Variants in AKT3 observed in about 807,000 individuals in gnomAD.
The protein encoded by AKT3 is AKT serine/threonine kinase 3, also known as RAC-gamma serine/threonine-protein kinase.
A neutral mutation model predicts 65.3 loss-of-function variants in AKT3; 15 were observed. That is an observed-to-expected ratio of 0.23 (90% confidence interval 0.15 to 0.35). AKT3 has a LOEUF of 0.35. AKT3 is among the 10% of genes least tolerant of loss of function. The pLI, the probability that AKT3 is intolerant of heterozygous loss-of-function variation, is 1.00. For missense variants in AKT3, 243 were observed against 576.5 expected, an observed-to-expected ratio of 0.42 and a Z score of 5.92; for synonymous variants, 206 against 183.8, an observed-to-expected ratio of 1.12 and a Z score of -0.98.
chr1:243,660,476 T>C (rs949884037), intron 4 of AKT3, among the ~76,000 whole-genome samples: 15 of 152,176 alleles, frequency 9.9e-5, no homozygotes, highest in African/African-American at 3.6e-4. Flanking sequence ...ATTATCTCAA[T>C]AGATGCAGAA....
In AKT3 at chr1:243,545,609, G is replaced by C; in HGVS notation, c.1164-12C>G. 2 of 1,578,566 alleles carry C rather than the reference G, an allele frequency of 1.3e-6. No homozygotes were observed. The highest frequency in any genetic ancestry group is 2.7e-5 in the African/African-American group (2 of 74,090). ...GTCCTCCACCAAGGCTATGAGAACAGAAATAAAATTAAGTAAGTATAAAAC... is the reference window on the plus strand; with the variant it reads ...GTCCTCCACCAAGGCTATGAGAACACAAATAAAATTAAGTAAGTATAAAAC... On this transcript the variant is annotated splice_polypyrimidine_tract_variant and intron_variant, in intron 11 of 13. Coordinates refer to ENST00000673466, the MANE Select transcript of AKT3 (RefSeq NM_005465.7).
At chr1:243,582,733 T>C (rs192925936) in intron 8 of AKT3, among the ~76,000 whole-genome samples, 1 of 152,122 alleles carries the variant, frequency 6.6e-6, no homozygotes, top group South Asian at 2.1e-4. Context: ...AATAACTTCA[T>C]GATAGGATCA....
At chr1:243,659,243 C>G (rs537872840) in intron 4 of AKT3, among the ~76,000 whole-genome samples, 1 of 152,040 alleles carries the variant, frequency 6.6e-6, no homozygotes, top group Non-Finnish European at 1.5e-5. Context: ...GAAAGTAGAA[C>G]GGTGGTTTCC....
intron 2 of AKT3, among the ~76,000 whole-genome samples, chr1:243,803,677 CACACACACACACACAT>C (rs1558825952): frequency 2.0e-5 from 3 of 151,014 alleles, no homozygotes; most frequent in African/African-American, 7.4e-5. Flanking sequence ...CACACACACA[CACACACACACACACAT>C]AAGACTGAAA....
At chr1:243,564,476 C>T (rs978738056) in intron 9 of AKT3, among the ~76,000 whole-genome samples, 13 of 152,204 alleles carry the variant, frequency 8.5e-5, no homozygotes, top group African/African-American at 2.9e-4. Flanking sequence ...AAGTTGGACC[C>T]TCTTTGAACC....
At chr1:243,850,910 G>C (rs762561189), upstream of AKT3, 1 of 152,096 alleles carries the variant, frequency 6.6e-6, no homozygotes, top group South Asian at 2.1e-4. Context: ...CCCGGGAGCG[G>C]AGGCTCCTCG....
In AKT3 at chr1:243,575,223, T is replaced by C. The variant is rs573374239; in HGVS notation, c.697-2175A>G. Among the ~76,000 whole-genome samples the C allele has an allele frequency of 2.0e-5, 3 of 152,342 alleles. No homozygotes were observed. In the South Asian group the frequency reaches 6.2e-4, roughly 32 times the overall value. ...GAAACACATTTCTGGGCTTTGGTAA[T>C]ATGACTCTCTCCTGATTTGCCTCCT... On this transcript the variant is annotated intron_variant, in intron 8 of 13. Transcript: ENST00000673466.
intron 3 of AKT3, among the ~76,000 whole-genome samples, chr1:243,665,428 A>G (rs896097668): frequency 2.0e-5 from 3 of 152,196 alleles, no homozygotes; most frequent in East Asian, 1.9e-4. Context: ...TACCTAGATT[A>G]TAAGCTTTTT....
At chr1:243,564,943 C>T (rs950503865) in intron 9 of AKT3, among the ~76,000 whole-genome samples, 1 of 152,150 alleles carries the variant, frequency 6.6e-6, no homozygotes, top group East Asian at 1.9e-4. Context: ...CAGATCTCCA[C>T]TTTAGAACAT....
intron 6 of AKT3, among the ~76,000 whole-genome samples, chr1:243,629,028 G>C (rs938387624): frequency 6.6e-6 from 1 of 152,218 alleles, no homozygotes; most frequent in East Asian, 1.9e-4. Context: ...TGTAATCCCA[G>C]CACTTTGGGA....
At chr1:243,577,463 TA>T (rs1675023914) in intron 8 of AKT3, among the ~76,000 whole-genome samples, 1 of 152,130 alleles carries the variant, frequency 6.6e-6, no homozygotes, top group Non-Finnish European at 1.5e-5. Context: ...CCCTATTTAA[TA>T]AATGGTGTTG....
At chr1:243,691,380 G>A (rs976655196) in intron 3 of AKT3, among the ~76,000 whole-genome samples, 1 of 152,148 alleles carries the variant, frequency 6.6e-6, no homozygotes. Context: ...CCAAGGCAGG[G>A]CTTTCACAGG....
At chr1:243,778,157 C>T (rs967122502) in intron 2 of AKT3, among the ~76,000 whole-genome samples, 7 of 152,122 alleles carry the variant, frequency 4.6e-5, no homozygotes, top group African/African-American at 1.7e-4. Flanking sequence ...CTGTTTGAGG[C>T]AGGGCAACTA....
At chr1:243,554,034 A>C (rs1673250268) in intron 10 of AKT3, among the ~76,000 whole-genome samples, 1 of 152,168 alleles carries the variant, frequency 6.6e-6, no homozygotes, top group Non-Finnish European at 1.5e-5. Context: ...TTGTGTTCCA[A>C]ACTTTCTTGC....
Position 243,841,628 on chromosome 1 carries a change from A to G in AKT3, c.46+1497T>C, listed in dbSNP as rs188100696. Among the ~76,000 whole-genome samples, 131 of 152,292 alleles carry G rather than the reference A, an allele frequency of 8.6e-4. 2 individuals carry two copies. The highest frequency in any genetic ancestry group is 3.8e-4 in the Non-Finnish European group (26 of 68,006). On this transcript the variant is annotated intron_variant, in intron 2 of 13. Transcript: ENST00000673466. ...AGTTTGTTAAACATATACTTCTTATAAAGTTAAACACACACTTACCATATG... is the reference window on the plus strand; with the variant it reads ...AGTTTGTTAAACATATACTTCTTATGAAGTTAAACACACACTTACCATATG...
At chr1:243,579,675 C>T (rs1675193928) in intron 8 of AKT3, among the ~76,000 whole-genome samples, 1 of 151,926 alleles carries the variant, frequency 6.6e-6, no homozygotes, top group Non-Finnish European at 1.5e-5. Context: ...ATAGTGCCTT[C>T]AAGAAAAAGG....
intron 2 of AKT3, among the ~76,000 whole-genome samples, chr1:243,795,682 G>A (rs551473921): frequency 2.0e-5 from 3 of 150,770 alleles, no homozygotes; most frequent in South Asian, 2.1e-4. Context: ...CGTTTTAGCC[G>A]GGATGGTCTC....
At chr1:243,569,116 G>A (rs1163720310) in intron 9 of AKT3, among the ~76,000 whole-genome samples, 1 of 152,146 alleles carries the variant, frequency 6.6e-6, no homozygotes, top group Non-Finnish European at 1.5e-5. Flanking sequence ...TCAGGCCCAA[G>A]AAGGTAGTAA....
At chr1:243,498,759 C>T (rs1390506074), downstream of AKT3, among the ~76,000 whole-genome samples, 1 of 152,226 alleles carries the variant, frequency 6.6e-6, no homozygotes, top group Non-Finnish European at 1.5e-5. Context: ...TGATAGAGTC[C>T]TCCCTTGGAG....
Sources: gnomAD v4.1 joint callset for allele counts (sites outside exome capture counted in the v4.1 genomes callset) on GRCh38, gnomAD v4.1.1 for gene constraint, MANE v1.5 for transcripts, NCBI Gene and HGNC (gene_info 2026-07-23, HGNC 2026-07-21) for gene names.